Variants in TTC23 observed in about 807,000 individuals in gnomAD.
The protein encoded by TTC23 is tetratricopeptide repeat protein 23.
A neutral mutation model predicts 55.1 loss-of-function variants in TTC23; 58 were observed. The ratio of observed to expected loss-of-function variants is 1.05; its 90% CI spans 0.85 to 1.31. The LOEUF is 1.31. Ranked by LOEUF, TTC23 falls within the 50% of genes most tolerant of loss-of-function variation. TTC23 has a pLI of 0.00. For synonymous variants in TTC23, 203 were observed against 199.9 expected (o/e 1.02, Z -0.13); for missense variants, 516 against 534.4 (o/e 0.97, Z 0.34).
At position 99,240,276 on chromosome 15, in the gene TTC23, C is replaced by A. The variant is rs1384268814; in HGVS notation, c.-114+1089G>T. The stretch of plus-strand genomic sequence containing the variant: ...AAACTTCGAAATGGATTTAACTTTT[C>A]TTTTTTGGCTTAATTGTAAAAACTG... On this transcript the variant is annotated intron_variant, in intron 3 of 13. Coordinates refer to ENST00000394132, the MANE Select transcript of TTC23 (RefSeq NM_001288615.3). 2.0e-5 allele frequency among the ~76,000 whole-genome samples: 3 copies of A among 152,144 alleles called. No homozygotes were observed. The South Asian group carries it at 6.2e-4, about 32-fold the overall frequency.
At chr15:99,185,630 C>G (rs1055379322) in intron 9 of TTC23, among the ~76,000 whole-genome samples, 1 of 152,184 alleles carries the variant, frequency 6.6e-6, no homozygotes, top group Non-Finnish European at 1.5e-5. Flanking sequence ...AATTTATACA[C>G]ACCCATAAAC....
chr15:99,171,603 G>A (rs1361622341), intron 10 of TTC23, among the ~76,000 whole-genome samples: 1 of 125,940 alleles, frequency 7.9e-6, no homozygotes, highest in Non-Finnish European at 1.6e-5. Flanking sequence ...TCGCTCTGTC[G>A]CCAGGCTGTA....
chr15:99,177,304 T>A (rs1403352296), intron 9 of TTC23, among the ~76,000 whole-genome samples: 1 of 152,230 alleles, frequency 6.6e-6, no homozygotes, highest in African/African-American at 2.4e-5. Flanking sequence ...AAATGACTTT[T>A]CTTATTACAG....
intron 10 of TTC23, among the ~76,000 whole-genome samples, chr15:99,166,103 G>A (rs770850793): frequency 3.3e-5 from 5 of 152,178 alleles, no homozygotes; most frequent in South Asian, 2.1e-4. Context: ...TTCAGACTCC[G>A]GGCTTTGGCT....
chr15:99,198,470 A>C lies in TTC23; in HGVS notation c.759+1449T>G, dbSNP rs115210146. On this transcript the variant is annotated intron_variant, in intron 9 of 13. Transcript: ENST00000394132. Reference sequence around the variant, plus strand: ...ATCTCCACTATCTTCATCCTAGTTCAAGCTACCATCATTCTCAGCTTTGGC... The same window carrying C: ...ATCTCCACTATCTTCATCCTAGTTCCAGCTACCATCATTCTCAGCTTTGGC... Among the ~76,000 whole-genome samples, 1,466 of 152,262 alleles carry C rather than the reference A, an allele frequency of 9.6e-3. 25 individuals carry two copies. The highest frequency in any genetic ancestry group is 0.034 in the African/African-American group (1,419 of 41,536).
intron 8 of TTC23, among the ~76,000 whole-genome samples, chr15:99,210,344 C>T (rs1470527601): frequency 6.6e-6 from 1 of 151,998 alleles, no homozygotes; most frequent in African/African-American, 2.4e-5. Flanking sequence ...TCTTTGGCTT[C>T]CCCACATTGA....
chr15:99,212,260 A>ATGTGTGTGTG (rs35709919), intron 8 of TTC23, among the ~76,000 whole-genome samples: 1 of 146,516 alleles, frequency 6.8e-6, no homozygotes, highest in African/African-American at 2.5e-5. Context: ...TTAAAGAGGG[A>ATGTGTGTGTG]TGTGTGTGTG....
At chr15:99,199,664 A>C (rs2076040635) in intron 9 of TTC23, among the ~76,000 whole-genome samples, 1 of 152,168 alleles carries the variant, frequency 6.6e-6, no homozygotes, top group Admixed American at 6.6e-5. Context: ...TAGATATTAA[A>C]GGATAAAGCA....
chr15:99,222,158 T>A (rs1265575941), intron 5 of TTC23, among the ~76,000 whole-genome samples: 1 of 152,154 alleles, frequency 6.6e-6, no homozygotes. Flanking sequence ...AGAGCAGACA[T>A]CTAGTCATTC....
intron 9 of TTC23, among the ~76,000 whole-genome samples, chr15:99,196,361 A>C (rs1015426714): frequency 6.6e-5 from 10 of 152,240 alleles, no homozygotes; most frequent in Non-Finnish European, 1.3e-4. Context: ...ATATGAATCC[A>C]TATGAACTTC....
At chr15:99,248,050 G>C (rs1231170512) in intron 1 of TTC23, 1 of 152,146 alleles carries the variant, frequency 6.6e-6, no homozygotes, top group Non-Finnish European at 1.5e-5. Flanking sequence ...GACTCCCCAA[G>C]ACAGTGTGGC....
At chr15:99,184,722 G>C (rs2074500137) in intron 9 of TTC23, among the ~76,000 whole-genome samples, 1 of 152,146 alleles carries the variant, frequency 6.6e-6, no homozygotes, top group African/African-American at 2.4e-5. Context: ...GTTAACGTTG[G>C]AATGAGTTAA....
At chr15:99,214,852 CTTT>C (rs777804106) in intron 8 of TTC23, among the ~76,000 whole-genome samples, 80 of 99,876 alleles carry the variant, frequency 8.0e-4, no homozygotes, top group African/African-American at 2.9e-3. Context: ...TTCTTTTCTC[CTTT>C]TTTTTTTTTT....
intron 5 of TTC23, among the ~76,000 whole-genome samples, 192 bp from the exon 6 acceptor site, chr15:99,222,056 G>T (rs1007762760): frequency 6.6e-6 from 1 of 152,104 alleles, no homozygotes; most frequent in African/African-American, 2.4e-5. Context: ...TGTACATCTG[G>T]TAAGATGAAA....
At chr15:99,148,232 A>C (rs2069193040) in intron 12 of TTC23, among the ~76,000 whole-genome samples, 1 of 151,760 alleles carries the variant, frequency 6.6e-6, no homozygotes, top group African/African-American at 2.4e-5. Context: ...ATGGTGGCAC[A>C]TGCCTGTAGT....
chr15:99,218,440 G>A (rs2077644516), intron 8 of TTC23, 148 bp downstream of exon 8: 1 of 1,021,186 alleles, frequency 9.8e-7, no homozygotes. Context: ...GCTCTGACAT[G>A]ACTGTGTTCC....
chr15:99,189,288 C>T (rs2075021958), intron 9 of TTC23, among the ~76,000 whole-genome samples: 1 of 151,886 alleles, frequency 6.6e-6, no homozygotes, highest in South Asian at 2.1e-4. Context: ...AGCAGAATGC[C>T]AACTGATAAG....
At chr15:99,198,246 C>A (rs1378708493) in intron 9 of TTC23, among the ~76,000 whole-genome samples, 1 of 152,198 alleles carries the variant, frequency 6.6e-6, no homozygotes, top group Admixed American at 6.5e-5. Flanking sequence ...ACCTAAAACA[C>A]AGCTTGCCAT....
chr15:99,247,045 A>G (rs754388500), intron 1 of TTC23, among the ~76,000 whole-genome samples: 34 of 152,264 alleles, frequency 2.2e-4, no homozygotes, highest in Non-Finnish European at 4.6e-4. Flanking sequence ...ATATATGGAT[A>G]GTCAACAAGC....
Sources: gnomAD v4.1 joint callset for allele counts (sites outside exome capture counted in the v4.1 genomes callset) on GRCh38, gnomAD v4.1.1 for gene constraint, MANE v1.5 for transcripts, NCBI Gene and HGNC (gene_info 2026-07-23, HGNC 2026-07-21) for gene names.